NRCAM: variants seen among roughly 807,000 people sequenced by gnomAD.
The protein encoded by NRCAM is neuronal cell adhesion molecule, also known as NgCAM-related cell adhesion molecule.
Under a neutral mutation model 156.5 loss-of-function variants are expected in NRCAM, and 83 were observed. That is an observed-to-expected ratio of 0.53 (90% CI 0.44 to 0.64). NRCAM has a LOEUF of 0.64. Among genes scored for constraint, NRCAM ranks in the 30% least tolerant of loss-of-function variants. The pLI, the probability that NRCAM is intolerant of heterozygous loss-of-function variation, is 0.00. For synonymous variants in NRCAM, 538 were observed against 563.9 expected (o/e 0.95, Z 0.65); for missense variants, 1,417 against 1,597.3 (o/e 0.89, Z 1.92).
At chr7:108,234,874 T>A in intron 5 of NRCAM, 186 bp from the exon 6 acceptor site, 2 of 745,866 alleles carry the variant, frequency 2.7e-6, no homozygotes, top group South Asian at 1.4e-5. Flanking sequence ...AACTGTGAAG[T>A]CAAGGTTTAA....
At chr7:108,297,984 C>T (rs1302884965) in intron 3 of NRCAM, among the ~76,000 whole-genome samples, 1 of 152,142 alleles carries the variant, frequency 6.6e-6, no homozygotes, top group Non-Finnish European at 1.5e-5. Context: ...AGCATCCTGG[C>T]TTGCTCATGG....
intron 1 of NRCAM, among the ~76,000 whole-genome samples, chr7:108,437,399 T>A (rs1257535934): frequency 6.6e-6 from 1 of 152,186 alleles, no homozygotes; most frequent in African/African-American, 2.4e-5. Context: ...CAATAATAAT[T>A]TTACTGCATA....
chr7:108,386,675 T>C (rs1217750732), intron 2 of NRCAM, among the ~76,000 whole-genome samples: 8 of 152,154 alleles, frequency 5.3e-5, no homozygotes, highest in Non-Finnish European at 8.8e-5. Context: ...AAGACACCTA[T>C]TCAATGAAAG....
At chr7:108,191,165 T>C (rs1451068885) in intron 19 of NRCAM, 89 bp downstream of exon 19, 3 of 1,067,480 alleles carry the variant, frequency 2.8e-6, no homozygotes, top group African/African-American at 3.2e-5. Flanking sequence ...AACACAATTA[T>C]GTGACATAGA....
At chr7:108,230,185 C>A (rs1227759897) in intron 8 of NRCAM, among the ~76,000 whole-genome samples, 1 of 152,020 alleles carries the variant, frequency 6.6e-6, no homozygotes, top group African/African-American at 2.4e-5. Flanking sequence ...TGGAGTTGTT[C>A]AATCTCCAAA....
chr7:108,203,481 C>G (rs2079275921), intron 13 of NRCAM, among the ~76,000 whole-genome samples: 1 of 150,886 alleles, frequency 6.6e-6, no homozygotes, highest in African/African-American at 2.4e-5. Context: ...GCTTTCAGGT[C>G]TTAAATGCAG....
At chr7:108,398,789 A>G (rs1429856028) in intron 2 of NRCAM, among the ~76,000 whole-genome samples, 1 of 152,156 alleles carries the variant, frequency 6.6e-6, no homozygotes, top group Non-Finnish European at 1.5e-5. Context: ...GAAGTTGGTC[A>G]TATCTATTTA....
intron 1 of NRCAM, among the ~76,000 whole-genome samples, chr7:108,407,405 A>C: frequency 6.6e-6 from 1 of 152,136 alleles, no homozygotes; most frequent in East Asian, 1.9e-4. Context: ...TGGCTGAAAA[A>C]CCACCAGTAA....
chr7:108,360,648 T>TA (rs1267680886), intron 2 of NRCAM, among the ~76,000 whole-genome samples: 3 of 152,168 alleles, frequency 2.0e-5, no homozygotes, highest in South Asian at 4.1e-4. Flanking sequence ...AGTAGACATA[T>TA]AAATCCATGA....
intron 3 of NRCAM, among the ~76,000 whole-genome samples, chr7:108,305,978 A>G (rs150109762): frequency 2.8e-4 from 42 of 152,364 alleles, no homozygotes; most frequent in African/African-American, 9.9e-4. Context: ...TGCAAATGCA[A>G]AAGAAATAAT....
intron 2 of NRCAM, among the ~76,000 whole-genome samples, chr7:108,341,634 G>A (rs2099278335): frequency 6.6e-6 from 1 of 152,274 alleles, no homozygotes; most frequent in Admixed American, 6.5e-5. Flanking sequence ...GCAACAGAAG[G>A]ACAATATGGA....
intron 1 of NRCAM, among the ~76,000 whole-genome samples, chr7:108,455,468 C>A (rs1379437490): frequency 6.6e-6 from 1 of 152,162 alleles, no homozygotes; most frequent in Admixed American, 6.5e-5. Context: ...GCCCCCAGCC[C>A]GGTGCGCCGG....
chr7:108,345,288 T>A (rs2099344777), intron 2 of NRCAM, among the ~76,000 whole-genome samples: 1 of 152,208 alleles, frequency 6.6e-6, no homozygotes, highest in Non-Finnish European at 1.5e-5. Context: ...TTCAGTAAGA[T>A]GATTGTCTAG....
At chr7:108,198,394 CT>C (rs1040872295) in intron 13 of NRCAM, among the ~76,000 whole-genome samples, 23 of 151,540 alleles carry the variant, frequency 1.5e-4, no homozygotes, top group African/African-American at 5.1e-4. Context: ...CCCCTTGTAT[CT>C]TTTTTTTAAT....
At chr7:108,257,110 AAAG>A (rs1007008427) in intron 3 of NRCAM, among the ~76,000 whole-genome samples, 1 of 151,502 alleles carries the variant, frequency 6.6e-6, no homozygotes, top group East Asian at 1.9e-4. Context: ...AAGGAAAAGA[AAAG>A]AAAAGAAGAG....
chr7:108,396,415 G>A lies in NRCAM; in HGVS notation c.-174+3021C>T, dbSNP rs144903078. Among the ~76,000 whole-genome samples the A allele has an allele frequency of 1.4e-4, 21 of 152,242 alleles. No homozygotes were observed. In the East Asian group the frequency reaches 3.1e-3, roughly 22 times the overall value. On this transcript the variant is annotated intron_variant, in intron 2 of 32. Coordinates refer to ENST00000379028, the MANE Select transcript of NRCAM (RefSeq NM_001037132.4). ...CACCTACAACTCGCGTGTATGTGCC[G>A]TCATTCCAAATTATACTAATGCAGC...
intron 28 of NRCAM, among the ~76,000 whole-genome samples, chr7:108,174,439 T>G (rs972281762): frequency 6.6e-6 from 1 of 152,266 alleles, no homozygotes; most frequent in Non-Finnish European, 1.5e-5. Context: ...ACTCACCTGA[T>G]GTGCGAAAGC....
chr7:108,280,782 TTAAA>T (rs1310429627), intron 3 of NRCAM, among the ~76,000 whole-genome samples: 1 of 152,218 alleles, frequency 6.6e-6, no homozygotes, highest in Non-Finnish European at 1.5e-5. Context: ...ATATGATTTC[TTAAA>T]TATATAATAA....
At chr7:108,163,674 A>G (rs62469175) in intron 30 of NRCAM, among the ~76,000 whole-genome samples, 24,168 of 151,954 alleles carry the variant, frequency 0.16, 2,559 homozygotes, top group African/African-American at 0.31. Context: ...GGTGGATGGC[A>G]TTAATGAGAG....
Sources: gnomAD v4.1 joint callset for allele counts (sites outside exome capture counted in the v4.1 genomes callset) on GRCh38, gnomAD v4.1.1 for gene constraint, MANE v1.5 for transcripts, NCBI Gene and HGNC (gene_info 2026-07-23, HGNC 2026-07-21) for gene names.